PSPC1: variants seen among roughly 807,000 people sequenced by gnomAD.
PSPC1 encodes the protein paraspeckle component 1.
A neutral mutation model predicts 51.6 loss-of-function variants in PSPC1; 14 were observed. The observed-to-expected ratio is 0.27, with a 90% CI of 0.18 to 0.42. PSPC1 has a LOEUF of 0.42. PSPC1 is among the 10% of genes least tolerant of loss of function. PSPC1 has a pLI of 1.00. For missense variants in PSPC1, 406 were observed against 701.1 expected (o/e 0.58, Z 4.75); for synonymous variants, 193 against 231.9 (o/e 0.83, Z 1.53).
chr13:19,694,033 G>C (rs1225968694), intron 6 of PSPC1, among the ~76,000 whole-genome samples: 1 of 147,252 alleles, frequency 6.8e-6, no homozygotes. Context: ...TGAGGCAGGA[G>C]AATGGCGTGA....
intron 5 of PSPC1, among the ~76,000 whole-genome samples, chr13:19,735,001 C>CAA (rs201828333): frequency 6.7e-6 from 1 of 149,682 alleles, no homozygotes; most frequent in South Asian, 2.1e-4. Flanking sequence ...AACAAACAAA[C>CAA]AAAAAAAACA....
At chr13:19,699,192 ATTTATTTTTAAAATT>A (rs1427856306), downstream of PSPC1, among the ~76,000 whole-genome samples, 1 of 151,928 alleles carries the variant, frequency 6.6e-6, no homozygotes, top group African/African-American at 2.4e-5. Context: ...TACTTTTGAT[ATTTATTTTTAAAATT>A]TTTTTATTTT....
intron 4 of PSPC1, 130 bp downstream of exon 4, chr13:19,751,141 A>T (rs1886508837): frequency 3.2e-6 from 2 of 626,334 alleles, no homozygotes; most frequent in African/African-American, 3.8e-5. Context: ...AGATTTTCAC[A>T]CCTAATATGT....
chr13:19,764,852 G>T (rs545274461), intron 2 of PSPC1, among the ~76,000 whole-genome samples: 3 of 151,894 alleles, frequency 2.0e-5, no homozygotes, highest in Non-Finnish European at 2.9e-5. Context: ...TCCCACCTCA[G>T]CCTCCCACGT....
intron 8 of PSPC1, among the ~76,000 whole-genome samples, chr13:19,705,017 T>C (rs1880465910): frequency 6.6e-6 from 1 of 152,162 alleles, no homozygotes; most frequent in Non-Finnish European, 1.5e-5. Context: ...TTTGTCCCCA[T>C]CAAATATAAG....
intron 3 of PSPC1, among the ~76,000 whole-genome samples, chr13:19,752,636 A>G (rs1886677550): frequency 6.6e-6 from 1 of 151,426 alleles, no homozygotes; most frequent in African/African-American, 2.4e-5. Flanking sequence ...CCCAGGCTGG[A>G]GTGCAATGGT....
chr13:19,733,799 A>C lies in PSPC1; in HGVS notation c.1053-3455T>G, dbSNP rs188969069. Among the ~76,000 whole-genome samples the C allele has an allele frequency of 9.9e-3, 1,483 of 149,140 alleles. 11 individuals carry two copies. Among genetic ancestry groups the C allele is most frequent in the Non-Finnish European group, 0.013 (904 of 67,366 alleles). On this transcript the variant is annotated intron_variant, in intron 5 of 8. Transcript: ENST00000338910. ...AAAAGAAAAAAAAATATATATATAT[A>C]TATATTAGGCAGGTATGGTGGCACA... is the stretch of plus-strand genomic sequence containing the variant.
chr13:19,743,706 G>A (rs916422252), intron 4 of PSPC1, among the ~76,000 whole-genome samples: 3 of 152,068 alleles, frequency 2.0e-5, no homozygotes, highest in African/African-American at 7.2e-5. Flanking sequence ...CTCATAATAG[G>A]CCCATAGAGA....
In PSPC1 at chr13:19,742,267, A is replaced by AAAAAAAC. The variant is rs1307735024; in HGVS notation, c.968-619_968-618insGTTTTTT. Among the ~76,000 whole-genome samples the AAAAAAAC allele has an allele frequency of 8.6e-5, 13 of 151,764 alleles. 1 individual carries two copies. The highest frequency in any genetic ancestry group is 1.5e-5 in the Non-Finnish European group (1 of 67,876). ...AGTGAGATGACTCAATCTCAAAAAA[A>AAAAAAAC]AAAAAAAAACAAACAAATAAATAAA... On this transcript the variant is annotated intron_variant, in intron 4 of 8. Transcript: ENST00000338910.
chr13:19,775,959 G>T (rs1447108752), intron 1 of PSPC1, among the ~76,000 whole-genome samples: 1 of 152,074 alleles, frequency 6.6e-6, no homozygotes, highest in African/African-American at 2.4e-5. Context: ...GCTGAGGCAG[G>T]AGAATGGTGT....
chr13:19,685,750 T>C (rs535118448), intron 6 of PSPC1, among the ~76,000 whole-genome samples: 2 of 152,312 alleles, frequency 1.3e-5, no homozygotes, highest in African/African-American at 4.8e-5. Flanking sequence ...AGTTTCCTTT[T>C]GTGATCATCT....
rs376527537 is a variant in PSPC1 at position 19,782,611 on chromosome 13, C to T, written c.147G>A (p.Ala49=). The T allele has an allele frequency of 3.6e-4, 566 of 1,579,224 alleles. No homozygotes were observed. Among genetic ancestry groups the T allele is most frequent in the Non-Finnish European group, 4.6e-4 (531 of 1,166,166 alleles). The stretch of plus-strand genomic sequence containing the variant: ...CCGGGTGGTCCTCTGGAGGCGCGGG[C>T]GCGGGCGGTGCCGGCTCCCCGGCAA... ...LALAGEPAPP[A]PAPPEDHPDE... is the part of the protein sequence containing the mutation. Residue 49 remains alanine (A), a synonymous_variant, in exon 1 of 9, where the codon GCG becomes GCA. Transcript: ENST00000338910. The surrounding 1 kb of genome is among the most constrained non-coding windows in gnomAD (Gnocchi z 4.5).
At chr13:19,741,733 T>C (rs755981784) in intron 4 of PSPC1, 84 bp from the exon 5 acceptor site, 9 of 784,394 alleles carry the variant, frequency 1.1e-5, no homozygotes, top group Non-Finnish European at 1.9e-5. Context: ...TCTCTATCAC[T>C]GGCAATATAT....
rs1253327966 is a variant in PSPC1, at chr13:19,782,610, G to A, written c.148C>T (p.Pro50Ser). ...TCCGGGTGGTCCTCTGGAGGCGCGG[G>A]CGCGGGCGGTGCCGGCTCCCCGGCA... ...ALAGEPAPPA[P>S]APPEDHPDEE... Residue 50 changes from proline to serine, a missense_variant, in exon 1 of 9, where the codon CCC becomes TCC. Around this residue, in one of 5 missense-constraint regions of PSPC1, gnomAD observed 128 missense variants for 107.1 expected, o/e 1.20. Transcript: ENST00000338910. The surrounding 1 kb of genome is among the most constrained non-coding windows in gnomAD (Gnocchi z 4.5). 6 of 1,580,166 alleles carry A rather than the reference G, an allele frequency of 3.8e-6. No homozygotes were observed. The highest frequency in any genetic ancestry group is 4.9e-5 in the East Asian group (2 of 40,980).
In PSPC1 at chr13:19,751,601, TTG is replaced by T. The variant is rs1461488702; in HGVS notation, c.771-136_771-135del. On this transcript the variant is annotated intron_variant, in intron 3 of 8. Transcript: ENST00000338910. ...CTACATGAATTACCTCGTGACAATA[TTG>T]TGATTACAGGCCTGAGTTTAAGAAC... 2.2e-5 allele frequency: 11 copies of T among 507,798 alleles called. No homozygotes were observed. The Admixed American group carries it at 2.5e-4, about 12-fold the overall frequency. 31.5% of individuals were successfully genotyped at this position (507,798 alleles called of 1,614,324 possible). A position where few individuals can be genotyped will look rare whatever the true frequency, so the allele number is the denominator to read the frequency against.
At chr13:19,673,306 T>TATA (rs906750702), downstream of PSPC1, 3 of 331,562 alleles carry the variant, frequency 9.0e-6, no homozygotes, top group African/African-American at 4.3e-5. Flanking sequence ...CTCATTAGTT[T>TATA]ATAATTGTAT....
rs887218007 is a variant in PSPC1 at position 19,743,731 on chromosome 13, C to T, written c.968-2082G>A. Among the ~76,000 whole-genome samples, 6 of 152,164 alleles carry T rather than the reference C, an allele frequency of 3.9e-5. No homozygotes were observed. The East Asian group carries it at 1.2e-3, about 29-fold the overall frequency. On this transcript the variant is annotated intron_variant, in intron 4 of 8. Coordinates refer to ENST00000338910, the MANE Select transcript of PSPC1 (RefSeq NM_001354909.2). ...GCCCATAGAGAAAACACTTGATTAT[C>T]TGAAAAATGTTAAACATGACCGCAA...
At chr13:19,715,186 C>A (rs191496645) in intron 6 of PSPC1, among the ~76,000 whole-genome samples, 127 of 152,032 alleles carry the variant, frequency 8.4e-4, no homozygotes, top group African/African-American at 3.0e-3. Flanking sequence ...GACTTTGGCA[C>A]CCTCAATAAT....
At chr13:19,678,671 C>T (rs965563581) in intron 6 of PSPC1, 1 of 152,142 alleles carries the variant, frequency 6.6e-6, no homozygotes, top group African/African-American at 2.4e-5. Context: ...GACAAGACTG[C>T]CTGCAAGTAA....
Sources: gnomAD v4.1 joint callset for allele counts (sites outside exome capture counted in the v4.1 genomes callset) on GRCh38, gnomAD v4.1.1 for gene constraint, gnomAD v4.1.1 regional missense constraint, Gnocchi (gnomAD v3.1) non-coding constraint, MANE v1.5 for transcripts, NCBI Gene and HGNC (gene_info 2026-07-23, HGNC 2026-07-21) for gene names.